Variants in FAM227B observed in about 807,000 individuals in gnomAD.
The protein encoded by FAM227B is protein FAM227B.
Under a neutral mutation model 73.8 loss-of-function variants are expected in FAM227B, and 88 were observed. The ratio of observed to expected loss-of-function variants is 1.19; its 90% CI spans 1.00 to 1.42. FAM227B has a LOEUF of 1.42. FAM227B is among the 40% of genes most tolerant of loss of function. The pLI is 0.00. For synonymous variants in FAM227B, 210 were observed against 190.5 expected (o/e 1.10, Z -0.84); for missense variants, 632 against 590.9 (o/e 1.07, Z -0.72).
At chr15:49,389,298 T>C (rs527614406) in intron 11 of FAM227B, among the ~76,000 whole-genome samples, 1 of 152,140 alleles carries the variant, frequency 6.6e-6, no homozygotes, top group African/African-American at 2.4e-5. Flanking sequence ...CACCATGGAC[T>C]ACTCAGCCAT....
intron 13 of FAM227B, among the ~76,000 whole-genome samples, chr15:49,348,381 T>C (rs926059219): frequency 1.3e-5 from 2 of 152,188 alleles, no homozygotes; most frequent in East Asian, 1.9e-4. Context: ...GTCCTTCATA[T>C]AAAGATAGAA....
chr15:49,502,643 T>C lies in FAM227B; in HGVS notation c.1012+5568A>G, dbSNP rs1048265482. Among the ~76,000 whole-genome samples, 5 of 152,214 alleles carry C rather than the reference T, an allele frequency of 3.3e-5. No individual in the cohort carries two copies. In the South Asian group the frequency reaches 8.3e-4, roughly 25 times the overall value. ...GACTTGCCTTGTTTTAGATGAGACT[T>C]TGGACCTCTGAGTTAATGCTGGAAT... On this transcript the variant is annotated intron_variant, in intron 11 of 15. Transcript: ENST00000299338.
In FAM227B at chr15:49,359,018, G is replaced by A. The variant is rs1384800902; in HGVS notation, c.1271+8430C>T. Among the ~76,000 whole-genome samples the A allele has an allele frequency of 7.9e-5, 12 of 152,010 alleles. No homozygotes were observed. In the South Asian group the frequency reaches 2.1e-3, roughly 26 times the overall value. ...TTCCCTATTTAATAAATGGTGCTGG[G>A]AAAACTGGCTAGCCATATGTATAAA... On this transcript the variant is annotated intron_variant, in intron 13 of 15. Transcript: ENST00000299338.
At chr15:49,329,865 C>A in intron 15 of FAM227B, 2 of 646,978 alleles carry the variant, frequency 3.1e-6, no homozygotes, top group Non-Finnish European at 3.8e-6. Context: ...CAATTTTCAC[C>A]AGGTGATTTC....
intron 10 of FAM227B, among the ~76,000 whole-genome samples, chr15:49,518,614 GC>G (rs1703905337): frequency 6.6e-6 from 1 of 152,084 alleles, no homozygotes; most frequent in African/African-American, 2.4e-5. Flanking sequence ...CAGGGGAACA[GC>G]CCTTTATAAA....
intron 11 of FAM227B, among the ~76,000 whole-genome samples, chr15:49,411,242 A>G (rs990478761): frequency 4.6e-5 from 7 of 152,074 alleles, no homozygotes; most frequent in African/African-American, 1.7e-4. Context: ...CAAGGAAGTG[A>G]AAAACAGAAA....
chr15:49,405,555 C>T (rs1238622073), intron 11 of FAM227B, among the ~76,000 whole-genome samples: 1 of 152,184 alleles, frequency 6.6e-6, no homozygotes, highest in Non-Finnish European at 1.5e-5. Flanking sequence ...GTTATTAACA[C>T]TTGTGATCAC....
intron 2 of FAM227B, among the ~76,000 whole-genome samples, chr15:49,611,810 G>A (rs1476365456): frequency 1.3e-5 from 2 of 151,872 alleles, no homozygotes; most frequent in Non-Finnish European, 2.9e-5. Flanking sequence ...TCTCCTTTTC[G>A]CCTTAGAGAC....
intron 9 of FAM227B, among the ~76,000 whole-genome samples, chr15:49,556,071 G>A (rs1291630056): frequency 6.6e-6 from 1 of 152,156 alleles, no homozygotes; most frequent in Non-Finnish European, 1.5e-5. Context: ...AGTCTGACAA[G>A]TGACCCGGGA....
chr15:49,452,416 C>G (rs2052840718), intron 11 of FAM227B, among the ~76,000 whole-genome samples: 3 of 152,172 alleles, frequency 2.0e-5, no homozygotes, highest in Non-Finnish European at 4.4e-5. Context: ...AAAATGAACC[C>G]TTGTTAACAT....
chr15:49,333,356 T>A (rs1038101562), intron 14 of FAM227B, among the ~76,000 whole-genome samples: 1 of 152,198 alleles, frequency 6.6e-6, no homozygotes, highest in African/African-American at 2.4e-5. Context: ...CACGTGAGAT[T>A]TATATATCCA....
At chr15:49,440,049 AT>A (rs1406037861) in intron 11 of FAM227B, among the ~76,000 whole-genome samples, 2 of 151,750 alleles carry the variant, frequency 1.3e-5, no homozygotes, top group East Asian at 3.9e-4. Flanking sequence ...GATCTAGTCT[AT>A]TATGCTTATT....
intron 11 of FAM227B, among the ~76,000 whole-genome samples, chr15:49,420,613 GA>G (rs1332119773): frequency 1.3e-5 from 2 of 152,120 alleles, no homozygotes; most frequent in Non-Finnish European, 2.9e-5. Context: ...ACAGGATATG[GA>G]ACAGAATAAG....
intron 11 of FAM227B, among the ~76,000 whole-genome samples, chr15:49,496,958 C>G (rs1376322870): frequency 6.6e-6 from 1 of 151,682 alleles, no homozygotes; most frequent in Admixed American, 6.6e-5. Context: ...CACACACACA[C>G]AGCTATAGAG....
chr15:49,590,118 T>G, intron 3 of FAM227B, 111 bp from the exon 4 acceptor site: 1 of 617,728 alleles, frequency 1.6e-6, no homozygotes, highest in South Asian at 2.1e-5. Flanking sequence ...CAGCATTGTT[T>G]TTTATCACTT....
At chr15:49,328,742 G>T in intron 15 of FAM227B, 67 bp from the exon 16 acceptor site, 5 of 1,495,048 alleles carry the variant, frequency 3.3e-6, no homozygotes, top group South Asian at 1.4e-5. Flanking sequence ...GAATTTGAAT[G>T]TGAGATTTCT....
chr15:49,551,209 T>C (rs528748303), intron 9 of FAM227B, among the ~76,000 whole-genome samples: 2 of 152,184 alleles, frequency 1.3e-5, no homozygotes, highest in East Asian at 1.9e-4. Context: ...GCAGGGAGGT[T>C]GCAGTGGGCC....
intron 11 of FAM227B, among the ~76,000 whole-genome samples, chr15:49,449,362 T>C (rs1161607795): frequency 3.3e-5 from 5 of 152,134 alleles, no homozygotes; most frequent in Non-Finnish European, 5.9e-5. Context: ...ACAGTGATTT[T>C]AGTATATAAA....
intron 9 of FAM227B, among the ~76,000 whole-genome samples, chr15:49,555,449 G>A (rs2073555985): frequency 6.6e-6 from 1 of 152,172 alleles, no homozygotes; most frequent in Non-Finnish European, 1.5e-5. Flanking sequence ...TCCTTTGTAG[G>A]TGACTGCCTC....
Sources: gnomAD v4.1 joint callset for allele counts (sites outside exome capture counted in the v4.1 genomes callset) on GRCh38, gnomAD v4.1.1 for gene constraint, MANE v1.5 for transcripts, NCBI Gene and HGNC (gene_info 2026-07-23, HGNC 2026-07-21) for gene names.